The following BANP variants were observed in gnomAD, a reference collection of about 807,000 sequenced individuals.
The protein encoded by BANP is protein BANP.
Under a neutral mutation model 68.1 loss-of-function variants are expected in BANP, and 11 were observed. The observed-to-expected ratio is 0.16, with a 90% confidence interval of 0.10 to 0.27. The LOEUF (loss-of-function observed/expected upper bound fraction) is 0.27, where lower values mean the gene tolerates loss of function less well. Among genes scored for constraint, BANP ranks in the 10% least tolerant of loss-of-function variants. The pLI is 1.00. For synonymous variants in BANP, 329 were observed against 303.2 expected (o/e 1.09, Z -0.88); for missense variants, 504 against 722.7 (o/e 0.70, Z 3.47).
chr16:88,066,012 G>C (rs1464538013), intron 12 of BANP, among the ~76,000 whole-genome samples: 3 of 152,198 alleles, frequency 2.0e-5, no homozygotes, highest in Non-Finnish European at 2.9e-5. Flanking sequence ...ACCTGCGCCT[G>C]TGGCTTTTAC....
intron 1 of BANP, among the ~76,000 whole-genome samples, chr16:87,963,753 A>G (rs1485661328): frequency 6.6e-6 from 1 of 152,206 alleles, no homozygotes; most frequent in Non-Finnish European, 1.5e-5. Flanking sequence ...AGGAAGCCCT[A>G]GTGTTAAATA....
intron 1 of BANP, among the ~76,000 whole-genome samples, chr16:87,968,432 T>G (rs1597868470): frequency 1.4e-5 from 2 of 145,474 alleles, no homozygotes; most frequent in African/African-American, 5.2e-5. Context: ...TGCGGTGAGC[T>G]GAGATCGTGC....
intron 6 of BANP, among the ~76,000 whole-genome samples, chr16:88,013,565 G>A (rs565738473): frequency 5.9e-5 from 9 of 152,340 alleles, no homozygotes; most frequent in African/African-American, 2.2e-4. Flanking sequence ...GTGGTGTGAC[G>A]TGGGCGTGCC....
chr16:88,058,015 G>A (rs909830364), intron 11 of BANP, among the ~76,000 whole-genome samples: 3 of 152,234 alleles, frequency 2.0e-5, no homozygotes, highest in African/African-American at 7.2e-5. Flanking sequence ...TACACGGGAA[G>A]AAAGGGTTCA....
intron 11 of BANP, among the ~76,000 whole-genome samples, chr16:88,061,576 C>T (rs546973429): frequency 8.9e-4 from 135 of 152,214 alleles, no homozygotes; most frequent in African/African-American, 3.0e-3. Context: ...TGTGGCCTTT[C>T]GGCATTTCTT....
At chr16:88,019,462 G>C (rs1230561045) in intron 7 of BANP, among the ~76,000 whole-genome samples, 2 of 151,540 alleles carry the variant, frequency 1.3e-5, no homozygotes, top group South Asian at 4.2e-4. Context: ...GTCACCTCAG[G>C]GGAGCGTGAA....
At chr16:88,059,002 C>CA (rs1169330799) in intron 11 of BANP, among the ~76,000 whole-genome samples, 1 of 152,058 alleles carries the variant, frequency 6.6e-6, no homozygotes, top group Non-Finnish European at 1.5e-5. Context: ...TGGTGTCCCT[C>CA]ACGCCCAGTG....
chr16:87,988,650 G>A (rs1003769613), intron 4 of BANP, among the ~76,000 whole-genome samples: 56 of 152,290 alleles, frequency 3.7e-4, no homozygotes, highest in African/African-American at 1.3e-3. Flanking sequence ...AAAATAGCCC[G>A]GGGTTCCCAG....
intron 4 of BANP, among the ~76,000 whole-genome samples, chr16:87,999,290 G>C (rs1418861927): frequency 7.1e-6 from 1 of 140,092 alleles, no homozygotes; most frequent in African/African-American, 2.7e-5. Flanking sequence ...GCATGCACTT[G>C]CACGGCTGTA....
chr16:87,988,561 G>T (rs932471389), intron 4 of BANP, among the ~76,000 whole-genome samples: 1 of 152,048 alleles, frequency 6.6e-6, no homozygotes. Context: ...CACCGCCCCC[G>T]GCCGGGACTC....
At chr16:88,023,701 A>T (rs935047427) in intron 7 of BANP, among the ~76,000 whole-genome samples, 1 of 152,154 alleles carries the variant, frequency 6.6e-6, no homozygotes, top group Non-Finnish European at 1.5e-5. Flanking sequence ...CCACAGATGG[A>T]GAGCTGGGAA....
intron 12 of BANP, among the ~76,000 whole-genome samples, chr16:88,069,258 G>C (rs2089670025): frequency 6.6e-6 from 1 of 152,226 alleles, no homozygotes; most frequent in Admixed American, 6.5e-5. Context: ...TCAGCAAAAA[G>C]ATGGAATTCT....
At chr16:88,034,673 T>C (rs1184121104) in intron 9 of BANP, among the ~76,000 whole-genome samples, 1 of 152,222 alleles carries the variant, frequency 6.6e-6, no homozygotes, top group Non-Finnish European at 1.5e-5. Flanking sequence ...GTCATTGTGA[T>C]TTTCTATTTC....
At chr16:88,009,132 C>A (rs990581480) in intron 6 of BANP, among the ~76,000 whole-genome samples, 1 of 152,204 alleles carries the variant, frequency 6.6e-6, no homozygotes, top group South Asian at 2.1e-4. Flanking sequence ...GTAGTGGCGT[C>A]CTCTCTTCAG....
At chr16:88,027,897 C>G (rs956396704) in intron 8 of BANP, among the ~76,000 whole-genome samples, 1 of 152,262 alleles carries the variant, frequency 6.6e-6, no homozygotes, top group African/African-American at 2.4e-5. Flanking sequence ...CCTGTTGGGC[C>G]TCCCGGAAGT....
At chr16:87,998,377 G>C (rs765028769) in intron 4 of BANP, among the ~76,000 whole-genome samples, 3 of 152,250 alleles carry the variant, frequency 2.0e-5, no homozygotes, top group Admixed American at 6.5e-5. Flanking sequence ...TTCACTGGCT[G>C]TGTGGCCTTG....
intron 2 of BANP, 51 bp from the exon 3 acceptor site, chr16:87,980,985 T>G (rs2063147657): frequency 1.6e-6 from 2 of 1,288,650 alleles, no homozygotes; most frequent in Non-Finnish European, 2.2e-6. Flanking sequence ...TTAAAATAAT[T>G]CTGTAAAACT....
At chr16:88,048,395 C>T (rs2082479127) in intron 11 of BANP, among the ~76,000 whole-genome samples, 1 of 151,774 alleles carries the variant, frequency 6.6e-6, no homozygotes, top group Non-Finnish European at 1.5e-5. Flanking sequence ...AAGAAGGGGC[C>T]AGAAGAAAGG....
intron 1 of BANP, among the ~76,000 whole-genome samples, chr16:87,972,700 T>C (rs1029219165): frequency 2.0e-5 from 3 of 152,240 alleles, no homozygotes; most frequent in Admixed American, 6.5e-5. Context: ...CAGCAGCTTC[T>C]TTTCTCAGCT....
Sources: allele counts gnomAD v4.1 joint callset (sites outside exome capture counted in the v4.1 genomes callset), GRCh38; gene constraint gnomAD v4.1.1; transcripts MANE v1.5; gene names NCBI Gene and HGNC (gene_info 2026-07-23, HGNC 2026-07-21).